Variants in SMAD7 observed in about 807,000 individuals in gnomAD.
The protein encoded by SMAD7 is MAD (mothers against decapentaplegic, Drosophila) homolog 7.
SMAD7 carries 8 observed loss-of-function variants against 38.7 expected under a neutral mutation model. The ratio of observed to expected loss-of-function variants is 0.21; its 90% CI spans 0.12 to 0.37. SMAD7 has a LOEUF of 0.37. Ranked by LOEUF, SMAD7 falls within the 10% of genes least tolerant of loss-of-function variation. The probability of loss-of-function intolerance (pLI) is 1.00; values close to 1 mark genes in which losing one functional copy is unlikely to be tolerated. For synonymous variants in SMAD7, 327 were observed against 265.1 expected, an observed-to-expected ratio of 1.23 and a Z score of -2.27; for missense variants, 477 against 577.9, an observed-to-expected ratio of 0.83 and a Z score of 1.79.
chr18:48,932,796 A>G (rs998720272), intron 3 of SMAD7, among the ~76,000 whole-genome samples: 6 of 152,352 alleles, frequency 3.9e-5, no homozygotes, highest in African/African-American at 1.4e-4. Context: ...ATTAAAAAGC[A>G]AGAATTTCCT....
intron 3 of SMAD7, among the ~76,000 whole-genome samples, chr18:48,927,076 T>C (rs2069937272): frequency 6.6e-6 from 1 of 152,152 alleles, no homozygotes; most frequent in South Asian, 2.1e-4. Context: ...GCTCACAGCC[T>C]CATCCAAAAG....
chr18:48,924,676 C>A (rs552648887), intron 3 of SMAD7, among the ~76,000 whole-genome samples: 14 of 152,240 alleles, frequency 9.2e-5, no homozygotes, highest in Non-Finnish European at 1.6e-4. Context: ...CCTAACCCAC[C>A]GCAGGGAGAC....
intron 3 of SMAD7, among the ~76,000 whole-genome samples, chr18:48,936,393 T>C (rs2070066578): frequency 6.6e-6 from 1 of 152,248 alleles, no homozygotes; most frequent in African/African-American, 2.4e-5. Flanking sequence ...ACCAATGGCA[T>C]TGAATACATT....
chr18:48,925,025 G>A (rs947507349), intron 3 of SMAD7, among the ~76,000 whole-genome samples: 1 of 152,146 alleles, frequency 6.6e-6, no homozygotes, highest in Non-Finnish European at 1.5e-5. Flanking sequence ...CAGCCCACAC[G>A]AGTCTCCCCA....
intron 1 of SMAD7, among the ~76,000 whole-genome samples, chr18:48,948,822 G>A (rs1418453905): frequency 1.3e-5 from 2 of 152,242 alleles, no homozygotes; most frequent in African/African-American, 4.8e-5. Context: ...CCCCCCAGGC[G>A]TGCAATTCAC....
chr18:48,942,576 G>A lies in SMAD7; in HGVS notation c.668-21C>T, dbSNP rs3764482. ...GTCTGCTGTGGATTTGAAAAGGGGAGAGAAAGAAATAAATACACAAATAAA... is the reference window on the plus strand; with the variant it reads ...GTCTGCTGTGGATTTGAAAAGGGGAAAGAAAGAAATAAATACACAAATAAA... On this transcript the variant is annotated intron_variant, in intron 2 of 3. Transcript: ENST00000262158. 0.17 allele frequency: 273,137 copies of A among 1,612,284 alleles called. 25,123 individuals are homozygous for A. Among genetic ancestry groups the A allele is most frequent in the Middle Eastern group, 0.21 (1,256 of 6,060 alleles).
chr18:48,941,776 T>C (rs1466816222), intron 3 of SMAD7, among the ~76,000 whole-genome samples: 1 of 152,174 alleles, frequency 6.6e-6, no homozygotes, highest in Non-Finnish European at 1.5e-5. Flanking sequence ...TGCCCTCTTT[T>C]CGCATCCTCA....
At chr18:48,937,441 C>T (rs902383832) in intron 3 of SMAD7, among the ~76,000 whole-genome samples, 1 of 152,188 alleles carries the variant, frequency 6.6e-6, no homozygotes, top group Non-Finnish European at 1.5e-5. Context: ...GGCAGCAGAC[C>T]ATCTTGTCTG....
intron 1 of SMAD7, among the ~76,000 whole-genome samples, chr18:48,948,708 G>A (rs1016312326): frequency 6.6e-6 from 1 of 152,238 alleles, no homozygotes; most frequent in African/African-American, 2.4e-5. Context: ...CTCGGCCGGA[G>A]CCGCGCACTT....
rs376292728 is a variant in SMAD7, at chr18:48,942,509, C to T, written c.714G>A (p.Thr238=). 27 of 1,602,020 alleles carry T rather than the reference C, an allele frequency of 1.7e-5. No homozygotes were observed. The South Asian group carries it at 1.9e-4, about 11-fold the overall frequency. The change falls in exon 3 of 4, where the codon ACG becomes ACA. Residue 238 remains threonine (T), a synonymous_variant. Coordinates refer to ENST00000262158, the MANE Select transcript of SMAD7 (RefSeq NM_005904.4). Reference sequence around the variant, plus strand: ...AAAGCCCCCCAGGGGCCAGATAATTCGTTCCCCCTGTTTCAGCGGAGGAAG... The same window carrying T: ...AAAGCCCCCCAGGGGCCAGATAATTTGTTCCCCCTGTTTCAGCGGAGGAAG... ...AVPSSAETGG[T]NYLAPGGLSD... is the part of the protein sequence containing the mutation.
chr18:48,950,164 G>A lies in SMAD7; in HGVS notation c.261C>T (p.Gly87=). ...PPAAGAGAAG[G]AEADLKALTH... ...TGAGCGCCTTCAGATCCGCCTCGGCGCCCCCGGCCGCGCCGGCGCCCGCGG... is the reference window on the plus strand; with the variant it reads ...TGAGCGCCTTCAGATCCGCCTCGGCACCCCCGGCCGCGCCGGCGCCCGCGG... Residue 87 remains glycine (G), a synonymous_variant, in exon 1 of 4, where the codon GGC becomes GGT. Transcript: ENST00000262158. The A allele has an allele frequency of 6.7e-7, 1 of 1,486,772 alleles. No homozygotes were observed. Among genetic ancestry groups the A allele is most frequent in the South Asian group, 1.3e-5 (1 of 78,312 alleles). The allele number at this position is 1,486,772 out of a possible 1,614,324, so 92.1% of individuals were successfully genotyped here.
rs187258020 is a variant in SMAD7, at chr18:48,932,946, C to T, written c.742+9535G>A. On this transcript the variant is annotated intron_variant, in intron 3 of 3. Transcript: ENST00000262158. ...CTGTCTTTCCAGATGTTTCCCCACCCCTTGGCCGTGGTCCACTGAGGAGCC... is the reference window on the plus strand; with the variant it reads ...CTGTCTTTCCAGATGTTTCCCCACCTCTTGGCCGTGGTCCACTGAGGAGCC... Among the ~76,000 whole-genome samples the T allele has an allele frequency of 1.9e-3, 287 of 152,272 alleles. 1 individual carries two copies. The highest frequency in any genetic ancestry group is 3.4e-3 in the Middle Eastern group (1 of 294).
intron 2 of SMAD7, among the ~76,000 whole-genome samples, chr18:48,944,877 C>T (rs1251357641): frequency 1.3e-5 from 2 of 152,234 alleles, no homozygotes; most frequent in Non-Finnish European, 2.9e-5. Context: ...TTATCAAGCA[C>T]TTGGTAAGCA....
chr18:48,929,550 TTCTCTC>T (rs377221337), intron 3 of SMAD7, among the ~76,000 whole-genome samples: 1 of 77,526 alleles, frequency 1.3e-5, no homozygotes, highest in Non-Finnish European at 2.9e-5. Context: ...CTTTCTCTCT[TTCTCTC>T]TCTCTCTCTC....
At chr18:48,946,986 A>G (rs1268028968) in intron 2 of SMAD7, among the ~76,000 whole-genome samples, 1 of 151,796 alleles carries the variant, frequency 6.6e-6, no homozygotes, top group Admixed American at 6.6e-5. Context: ...ATGGAAGGAC[A>G]AAAAAAACAG....
At chr18:48,935,934 G>T (rs1481888924) in intron 3 of SMAD7, among the ~76,000 whole-genome samples, 7 of 152,012 alleles carry the variant, frequency 4.6e-5, no homozygotes, top group Admixed American at 4.6e-4. Context: ...AATTAGCCAG[G>T]CATGGTGTGG....
At chr18:48,929,554 C>CTT (rs1186553683) in intron 3 of SMAD7, among the ~76,000 whole-genome samples, 4 of 61,056 alleles carry the variant, frequency 6.6e-5, no homozygotes, top group Non-Finnish European at 1.2e-4. Context: ...CTCTCTTTCT[C>CTT]TCTCTCTCTC....
At chr18:48,946,336 G>A (rs1425578366) in intron 2 of SMAD7, among the ~76,000 whole-genome samples, 1 of 151,874 alleles carries the variant, frequency 6.6e-6, no homozygotes, top group Non-Finnish European at 1.5e-5. Flanking sequence ...CGCAAAATGG[G>A]GATGAAGACC....
chr18:48,945,458 C>T (rs190829462), intron 2 of SMAD7, among the ~76,000 whole-genome samples: 19 of 151,266 alleles, frequency 1.3e-4, no homozygotes, highest in Admixed American at 4.6e-4. Context: ...GAGACTGTCT[C>T]GGAAAAAAAA....
Sources: allele counts gnomAD v4.1 joint callset (sites outside exome capture counted in the v4.1 genomes callset), GRCh38; gene constraint gnomAD v4.1.1; transcripts MANE v1.5; gene names NCBI Gene and HGNC (gene_info 2026-07-23, HGNC 2026-07-21).